The following DDR2 variants were observed in gnomAD, a reference collection of about 807,000 sequenced individuals.
The protein encoded by DDR2 is discoidin domain-containing receptor 2.
A neutral mutation model predicts 94.9 loss-of-function variants in DDR2; 27 were observed. That is an observed-to-expected ratio of 0.28 (90% CI 0.21 to 0.39). The LOEUF is 0.39. Among genes scored for constraint, DDR2 ranks in the 10% least tolerant of loss-of-function variants. The probability of loss-of-function intolerance (pLI) is 1.00; values close to 1 mark genes in which losing one functional copy is unlikely to be tolerated. For missense variants in DDR2, 783 were observed against 1,076.0 expected (o/e 0.73, Z 3.81); for synonymous variants, 382 against 377.2 (o/e 1.01, Z -0.15).
chr1:162,688,902 C>A (rs1213308784), intron 2 of DDR2, among the ~76,000 whole-genome samples: 1 of 152,184 alleles, frequency 6.6e-6, no homozygotes, highest in Non-Finnish European at 1.5e-5. Context: ...CTTCCTGAGA[C>A]CCTTGTCAGG....
intron 3 of DDR2, among the ~76,000 whole-genome samples, chr1:162,747,893 C>A (rs1662964248): frequency 6.6e-6 from 1 of 152,122 alleles, no homozygotes; most frequent in Non-Finnish European, 1.5e-5. Context: ...TCATATCCAG[C>A]CAAACTAAGC....
At chr1:162,638,763 A>G (rs1656967024) in intron 1 of DDR2, among the ~76,000 whole-genome samples, 1 of 152,176 alleles carries the variant, frequency 6.6e-6, no homozygotes, top group Non-Finnish European at 1.5e-5. Context: ...GAGTAGTGGG[A>G]GCTAAATTCA....
At chr1:162,649,219 G>A (rs1175489400) in intron 1 of DDR2, among the ~76,000 whole-genome samples, 1 of 152,266 alleles carries the variant, frequency 6.6e-6, no homozygotes, top group Non-Finnish European at 1.5e-5. Context: ...ATGTCCCACA[G>A]TCTTTAATAT....
intron 3 of DDR2, among the ~76,000 whole-genome samples, chr1:162,729,280 T>TTTTATATATATATATATATATATA (rs1325128003): frequency 1.4e-5 from 1 of 69,760 alleles, no homozygotes; most frequent in African/African-American, 5.2e-5. Flanking sequence ...GCATATCCAT[T>TTTTATATATATATATATATATATA]TATATATATA....
chr1:162,702,123 T>G (rs1660458796), intron 2 of DDR2, among the ~76,000 whole-genome samples: 1 of 152,156 alleles, frequency 6.6e-6, no homozygotes, highest in African/African-American at 2.4e-5. Context: ...CAGTTTGGGA[T>G]TCTCCTTTTT....
At chr1:162,637,272 A>C (rs2101882539) in intron 1 of DDR2, among the ~76,000 whole-genome samples, 1 of 152,312 alleles carries the variant, frequency 6.6e-6, no homozygotes, top group African/African-American at 2.4e-5. Context: ...TGGGTTAATA[A>C]AATTTAGTTT....
intron 1 of DDR2, among the ~76,000 whole-genome samples, chr1:162,648,000 G>A (rs534409734): frequency 5.8e-4 from 88 of 151,884 alleles, no homozygotes; most frequent in African/African-American, 2.0e-3. Flanking sequence ...AGATGGAGTT[G>A]CTCTGGTTCA....
At chr1:162,639,488 C>G (rs760011992) in intron 1 of DDR2, among the ~76,000 whole-genome samples, 2 of 152,160 alleles carry the variant, frequency 1.3e-5, no homozygotes, top group African/African-American at 4.8e-5. Context: ...AAAAGCAACT[C>G]AAAGTGGATC....
chr1:162,659,361 A>G (rs1187300467), intron 2 of DDR2, among the ~76,000 whole-genome samples: 4 of 152,206 alleles, frequency 2.6e-5, no homozygotes, highest in Non-Finnish European at 5.9e-5. Context: ...GGAATTTGAT[A>G]TGCAGAAGGA....
At chr1:162,670,508 G>A (rs1243665067) in intron 2 of DDR2, among the ~76,000 whole-genome samples, 4 of 152,094 alleles carry the variant, frequency 2.6e-5, no homozygotes, top group African/African-American at 4.8e-5. Flanking sequence ...GATTCTAATC[G>A]GTCTACAGAA....
Position 162,744,159 on chromosome 1 carries a change from A to G in DDR2, c.83-8936A>G, listed in dbSNP as rs576626701. 4.6e-5 allele frequency among the ~76,000 whole-genome samples: 7 copies of G among 152,342 alleles called. No homozygotes were observed. In the East Asian group the frequency reaches 1.3e-3, roughly 29 times the overall value. On this transcript the variant is annotated intron_variant, in intron 3 of 17. Transcript: ENST00000367921. ...GATAATCATAATGATGATGACTGTA[A>G]AAACATTTAATGAGACCTGCTCTCT...
intron 2 of DDR2, among the ~76,000 whole-genome samples, chr1:162,656,043 C>G (rs1657943926): frequency 1.3e-5 from 2 of 152,204 alleles, no homozygotes; most frequent in Admixed American, 1.3e-4. Context: ...TTCCACATAT[C>G]AAGGTGGTCT....
At chr1:162,672,392 C>A (rs1043731113) in intron 2 of DDR2, among the ~76,000 whole-genome samples, 1 of 152,172 alleles carries the variant, frequency 6.6e-6, no homozygotes, top group African/African-American at 2.4e-5. Flanking sequence ...TGACTTTTTG[C>A]GTTTCTAACT....
intron 3 of DDR2, among the ~76,000 whole-genome samples, chr1:162,727,390 ATATT>A (rs1289727295): frequency 3.5e-5 from 5 of 144,540 alleles, no homozygotes; most frequent in Non-Finnish European, 7.5e-5. Flanking sequence ...AGATATATCT[ATATT>A]TATGTGTGTA....
chr1:162,644,413 A>T (rs1440169427), intron 1 of DDR2, among the ~76,000 whole-genome samples: 2 of 152,194 alleles, frequency 1.3e-5, no homozygotes, highest in Admixed American at 1.3e-4. Flanking sequence ...ATTTAAAAAT[A>T]CTTTCAAATC....
intron 13 of DDR2, 42 bp from the exon 14 acceptor site, chr1:162,773,427 C>G (rs1483817949): frequency 6.2e-7 from 1 of 1,610,788 alleles, no homozygotes; most frequent in Admixed American, 1.7e-5. Context: ...GAGACATCTT[C>G]AGGAGAAATG....
intron 7 of DDR2, among the ~76,000 whole-genome samples, chr1:162,757,814 G>C (rs1663531903): frequency 6.6e-6 from 1 of 152,270 alleles, no homozygotes; most frequent in East Asian, 1.9e-4. Flanking sequence ...AACCGTGACT[G>C]TGGGGAATGA....
intron 3 of DDR2, among the ~76,000 whole-genome samples, chr1:162,729,807 A>C (rs2805034): frequency 6.6e-6 from 1 of 151,488 alleles, no homozygotes; most frequent in Non-Finnish European, 1.5e-5. Flanking sequence ...GCAATGGCGC[A>C]ATCTCGGCTC....
At position 162,784,390 on chromosome 1, in the gene DDR2, G is replaced by C. The variant is rs887958019; in HGVS notation, c.*4144G>C. 1 of 154,080 alleles carries C rather than the reference G, an allele frequency of 6.5e-6. No homozygotes were observed. Among genetic ancestry groups the C allele is most frequent in the African/African-American group, 2.4e-5 (1 of 41,444 alleles). 9.5% of individuals were successfully genotyped at this position (154,080 alleles called of 1,614,324 possible). On this transcript the variant is annotated 3_prime_UTR_variant, in exon 18 of 18. Coordinates refer to ENST00000367921, the MANE Select transcript of DDR2 (RefSeq NM_006182.4). Reference sequence around the variant, plus strand: ...TATAGACCTGGAATTTGCCATCCTAGTCTTTCCTTTTTAGTAAGACTTCTG... The same window carrying C: ...TATAGACCTGGAATTTGCCATCCTACTCTTTCCTTTTTAGTAAGACTTCTG...
Sources: gnomAD v4.1 joint callset for allele counts (sites outside exome capture counted in the v4.1 genomes callset) on GRCh38, gnomAD v4.1.1 for gene constraint, MANE v1.5 for transcripts, NCBI Gene and HGNC (gene_info 2026-07-23, HGNC 2026-07-21) for gene names.